The following CPAP variants were observed in gnomAD, a reference collection of about 807,000 sequenced individuals.
CPAP encodes the protein centrosome assembly and centriole elongation protein.
chr13:24,889,787 C>T, the CPAP span, among the ~76,000 whole-genome samples: 1 of 152,048 alleles, frequency 6.6e-6, no homozygotes, highest in Non-Finnish European at 1.5e-5. Context: ...CCCAGTTCTC[C>T]GAGACCACCA....
chr13:24,916,407 A>G, the CPAP span, among the ~76,000 whole-genome samples: 1 of 152,228 alleles, frequency 6.6e-6, no homozygotes, highest in Non-Finnish European at 1.5e-5. Context: ...AACATATAAA[A>G]AATATAAACA....
the CPAP span, among the ~76,000 whole-genome samples, chr13:24,931,236 C>T: frequency 1.3e-5 from 2 of 150,720 alleles, no homozygotes; most frequent in Non-Finnish European, 2.9e-5. Flanking sequence ...CCTGTATCTG[C>T]ACTTCCTCGG....
At chr13:24,892,660 TCTC>T in the CPAP span, 1 of 1,614,024 alleles carries the variant, frequency 6.2e-7, no homozygotes, top group Non-Finnish European at 8.5e-7. Flanking sequence ...TTGTCCTTCT[TCTC>T]CACCTCGAGG....
the CPAP span, among the ~76,000 whole-genome samples, chr13:24,916,025 G>C: frequency 6.6e-6 from 1 of 152,204 alleles, no homozygotes; most frequent in Non-Finnish European, 1.5e-5. Flanking sequence ...ACCTTGAGTG[G>C]AGAGGATGCA....
At chr13:24,896,630 TACA>T in the CPAP span, among the ~76,000 whole-genome samples, 4 of 152,176 alleles carry the variant, frequency 2.6e-5, no homozygotes, top group African/African-American at 4.8e-5. Flanking sequence ...TCTAACAAAG[TACA>T]ACAACAAAAA....
At chr13:24,912,191 A>G in the CPAP span, 1 of 899,702 alleles carries the variant, frequency 1.1e-6, no homozygotes, top group Non-Finnish European at 1.8e-6. Flanking sequence ...TTAGACAGGG[A>G]CCCCTAGGTA....
the CPAP span, chr13:24,899,392 T>C: frequency 1.3e-6 from 2 of 1,575,740 alleles, no homozygotes; most frequent in East Asian, 2.2e-5. Context: ...CTAACTTACA[T>C]GAATATAACA....
the CPAP span, among the ~76,000 whole-genome samples, chr13:24,892,163 C>G: frequency 1.4e-4 from 22 of 152,288 alleles, no homozygotes; most frequent in Admixed American, 1.4e-3. Flanking sequence ...CTGGCACACC[C>G]TGGTTGTTCA....
the CPAP span, chr13:24,892,618 A>G: frequency 1.3e-6 from 2 of 1,591,036 alleles, no homozygotes; most frequent in Non-Finnish European, 1.7e-6. Context: ...CTGGCCTGAC[A>G]CAACCCACCC....
At chr13:24,920,447 G>A in the CPAP span, among the ~76,000 whole-genome samples, 1 of 152,120 alleles carries the variant, frequency 6.6e-6, no homozygotes, top group African/African-American at 2.4e-5. Context: ...CAAGATGATT[G>A]CCTGCCAACC....
At chr13:24,884,262 T>A in the CPAP span, 1 of 1,613,878 alleles carries the variant, frequency 6.2e-7, no homozygotes, top group African/African-American at 1.3e-5. Context: ...AGACACACAG[T>A]CAGTCTGCCT....
the CPAP span, among the ~76,000 whole-genome samples, chr13:24,901,379 A>T: frequency 6.6e-6 from 1 of 152,226 alleles, no homozygotes; most frequent in Non-Finnish European, 1.5e-5. Context: ...GAAAGATGGC[A>T]TAATTATCAG....
At chr13:24,907,277 T>C in the CPAP span, 1 of 1,181,668 alleles carries the variant, frequency 8.5e-7, no homozygotes, top group South Asian at 1.3e-5. Context: ...TAGAAACCCT[T>C]GACAACATGG....
chr13:24,932,104 C>T, the CPAP span, among the ~76,000 whole-genome samples: 2 of 152,218 alleles, frequency 1.3e-5, no homozygotes, highest in African/African-American at 4.8e-5. Flanking sequence ...GCACGCAGAA[C>T]CGCAATCCCC....
At chr13:24,909,209 C>T in the CPAP span, among the ~76,000 whole-genome samples, 1 of 151,960 alleles carries the variant, frequency 6.6e-6, no homozygotes, top group Non-Finnish European at 1.5e-5. Context: ...CTTTCCACAC[C>T]GATGAATTAA....
the CPAP span, chr13:24,883,387 A>G: frequency 6.4e-7 from 1 of 1,558,974 alleles, no homozygotes; most frequent in Non-Finnish European, 8.7e-7. Flanking sequence ...ATTTAAAAAA[A>G]ATATGATTTC....
chr13:24,900,316 T>C, the CPAP span, among the ~76,000 whole-genome samples: 5 of 151,992 alleles, frequency 3.3e-5, no homozygotes, highest in South Asian at 1.0e-3. Flanking sequence ...GAGCAAAGGA[T>C]GGGTAGCAGG....
the CPAP span, among the ~76,000 whole-genome samples, chr13:24,927,902 T>C: frequency 1.3e-5 from 2 of 152,182 alleles, no homozygotes; most frequent in African/African-American, 2.4e-5. Context: ...TCCTTGGAAA[T>C]ATCTTGGATA....
At chr13:24,923,972 G>A in the CPAP span, among the ~76,000 whole-genome samples, 1 of 152,218 alleles carries the variant, frequency 6.6e-6, no homozygotes, top group African/African-American at 2.4e-5. Flanking sequence ...GGGATTACAG[G>A]CGCCCGCCAC....
Sources: gnomAD v4.1 joint callset for allele counts (sites outside exome capture counted in the v4.1 genomes callset) on GRCh38, gnomAD v4.1.1 for gene constraint, MANE v1.5 for transcripts, NCBI Gene and HGNC (gene_info 2026-07-23, HGNC 2026-07-21) for gene names.